SH3RF3: variants seen among roughly 807,000 people sequenced by gnomAD.
SH3RF3 encodes the protein E3 ubiquitin-protein ligase SH3RF3.
Under a neutral mutation model 66.3 loss-of-function variants are expected in SH3RF3, and 29 were observed. The observed-to-expected ratio is 0.44, with a 90% CI of 0.33 to 0.60. The LOEUF (loss-of-function observed/expected upper bound fraction) is 0.60, where lower values mean the gene tolerates loss of function less well. Among genes scored for constraint, SH3RF3 ranks in the 20% least tolerant of loss-of-function variants. The probability of loss-of-function intolerance (pLI) is 0.04; values close to 1 mark genes in which losing one functional copy is unlikely to be tolerated. For synonymous variants in SH3RF3, 583 were observed against 532.0 expected (o/e 1.10, Z -1.32); for missense variants, 1,194 against 1,190.9 (o/e 1.00, Z -0.04).
chr2:109,215,051 G>A (rs952005333), intron 1 of SH3RF3, among the ~76,000 whole-genome samples: 1 of 152,198 alleles, frequency 6.6e-6, no homozygotes, highest in Non-Finnish European at 1.5e-5. Context: ...AACCAGTAAA[G>A]CTGTCCATGG....
intron 1 of SH3RF3, among the ~76,000 whole-genome samples, chr2:109,138,774 G>A (rs531016579): frequency 1.3e-5 from 2 of 152,238 alleles, no homozygotes; most frequent in Non-Finnish European, 2.9e-5. Context: ...TGCTGCTCTT[G>A]AAGACTGGCC....
intron 7 of SH3RF3, among the ~76,000 whole-genome samples, chr2:109,441,230 A>G (rs913481735): frequency 6.6e-6 from 1 of 152,188 alleles, no homozygotes; most frequent in Non-Finnish European, 1.5e-5. Context: ...GGAAAATATG[A>G]CTTATAATGA....
chr2:109,142,023 T>C (rs1250121958), intron 1 of SH3RF3, among the ~76,000 whole-genome samples: 1 of 147,542 alleles, frequency 6.8e-6, no homozygotes. Flanking sequence ...CAAGTCCTCT[T>C]CTGGGGTCCT....
intron 5 of SH3RF3, among the ~76,000 whole-genome samples, chr2:109,430,075 G>C (rs1677150869): frequency 6.6e-6 from 1 of 152,208 alleles, no homozygotes; most frequent in Non-Finnish European, 1.5e-5. Context: ...AGCAGCTAGG[G>C]CGTGTTCTGA....
intron 1 of SH3RF3, among the ~76,000 whole-genome samples, chr2:109,169,384 G>T (rs183047799): frequency 6.6e-6 from 1 of 152,220 alleles, no homozygotes; most frequent in East Asian, 1.9e-4. Context: ...TCCATACTAT[G>T]ATGGTGATGA....
At chr2:109,486,663 C>A (rs139514536) in intron 8 of SH3RF3, among the ~76,000 whole-genome samples, 5 of 152,122 alleles carry the variant, frequency 3.3e-5, no homozygotes, top group Non-Finnish European at 7.4e-5. Flanking sequence ...GATGCAGAGC[C>A]GGGCCTTCAC....
intron 8 of SH3RF3, among the ~76,000 whole-genome samples, chr2:109,458,255 C>T: frequency 6.6e-6 from 1 of 152,088 alleles, no homozygotes; most frequent in East Asian, 1.9e-4. Flanking sequence ...GAATGAAACT[C>T]ATTAATCTTT....
chr2:109,302,336 A>G (rs571027402), intron 1 of SH3RF3, among the ~76,000 whole-genome samples: 1 of 152,250 alleles, frequency 6.6e-6, no homozygotes, highest in African/African-American at 2.4e-5. Context: ...AGGATGGGAA[A>G]GTTAGGCTGC....
chr2:109,224,112 A>G (rs766214127), intron 1 of SH3RF3, among the ~76,000 whole-genome samples: 1 of 152,220 alleles, frequency 6.6e-6, no homozygotes, highest in Non-Finnish European at 1.5e-5. Context: ...TTTTACACAA[A>G]AAGAAACTGA....
At chr2:109,181,597 T>C (rs965211450) in intron 1 of SH3RF3, among the ~76,000 whole-genome samples, 7 of 152,218 alleles carry the variant, frequency 4.6e-5, no homozygotes, top group Admixed American at 4.6e-4. Context: ...TTAAAAGTTA[T>C]GTTTTTACCT....
rs1238690056 is a variant in SH3RF3, at chr2:109,129,624, C to A, written c.84C>A (p.Gly28=). Residue 28 remains glycine (G), a synonymous_variant, in exon 1 of 10, where the codon GGC becomes GGA. Coordinates refer to ENST00000309415, the MANE Select transcript of SH3RF3 (RefSeq NM_001099289.3). ...AQSEGDEDRP[G]ERRRRRAAAT... ...GCGAGGGCGACGAGGACAGGCCAGG[C>A]GAGCGACGGCGGCGTCGGGCGGCGG... is the stretch of plus-strand genomic sequence containing the variant. 2.0e-6 allele frequency: 3 copies of A among 1,490,454 alleles called. No homozygotes were observed. The highest frequency in any genetic ancestry group is 1.3e-5 in the South Asian group (1 of 77,384). The allele number at this position is 1,490,454 out of a possible 1,614,324, so 92.3% of individuals were successfully genotyped here.
chr2:109,190,046 T>C (rs1210215369), intron 1 of SH3RF3, among the ~76,000 whole-genome samples: 18 of 152,260 alleles, frequency 1.2e-4, no homozygotes, highest in Non-Finnish European at 1.5e-5. Flanking sequence ...AACTTCCAAG[T>C]GCTCTTTGAT....
intron 1 of SH3RF3, among the ~76,000 whole-genome samples, chr2:109,131,882 A>G (rs1676704845): frequency 1.3e-5 from 2 of 152,212 alleles, no homozygotes; most frequent in Non-Finnish European, 2.9e-5. Flanking sequence ...TTATTTAACT[A>G]ATAAGCAGGA....
intron 1 of SH3RF3, among the ~76,000 whole-genome samples, chr2:109,210,384 T>G (rs545818428): frequency 6.6e-6 from 1 of 152,344 alleles, no homozygotes; most frequent in African/African-American, 2.4e-5. Flanking sequence ...GAAAGCCTGG[T>G]CTTTTCCGTG....
intron 1 of SH3RF3, among the ~76,000 whole-genome samples, chr2:109,138,131 T>G (rs1676855592): frequency 6.6e-6 from 1 of 152,228 alleles, no homozygotes; most frequent in African/African-American, 2.4e-5. Flanking sequence ...TTCTTCTGCC[T>G]CAGCCTCCCA....
At chr2:109,156,055 C>T (rs1677339509) in intron 1 of SH3RF3, among the ~76,000 whole-genome samples, 1 of 152,236 alleles carries the variant, frequency 6.6e-6, no homozygotes, top group Admixed American at 6.5e-5. Context: ...ATCACCCGTA[C>T]TTTGGGAAGC....
intron 1 of SH3RF3, among the ~76,000 whole-genome samples, chr2:109,222,079 A>G (rs1365922742): frequency 1.3e-5 from 2 of 152,192 alleles, no homozygotes; most frequent in African/African-American, 2.4e-5. Context: ...GTTATGGTAA[A>G]TGAAACAAGC....
chr2:109,458,340 G>T (rs1459953132), intron 8 of SH3RF3, among the ~76,000 whole-genome samples: 1 of 152,020 alleles, frequency 6.6e-6, no homozygotes, highest in African/African-American at 2.4e-5. Context: ...ATTGCTATAG[G>T]ATTTCTTTGT....
rs914307892 is a variant in SH3RF3 at position 109,386,114 on chromosome 2, C to T, written c.946-12476C>T. Among the ~76,000 whole-genome samples, 8 of 152,172 alleles carry T rather than the reference C, an allele frequency of 5.3e-5. 1 individual carries two copies. In the South Asian group the frequency reaches 6.2e-4, roughly 12 times the overall value. On this transcript the variant is annotated intron_variant, in intron 3 of 9. Transcript: ENST00000309415. ...TAGATTGGATCTGGAAGCTAAGGAA[C>T]GTGCATAGACCTTGAAAGAGAGGGT... is the stretch of plus-strand genomic sequence containing the variant.
Sources: allele counts gnomAD v4.1 joint callset (sites outside exome capture counted in the v4.1 genomes callset), GRCh38; gene constraint gnomAD v4.1.1; transcripts MANE v1.5; gene names NCBI Gene and HGNC (gene_info 2026-07-23, HGNC 2026-07-21).